Variants in SDCCAG8 observed in about 807,000 individuals in gnomAD.
SDCCAG8 encodes SHH signaling and ciliogenesis regulator SDCCAG8.
In SDCCAG8, 74 loss-of-function variants were observed where a neutral mutation model predicts 101.8. The ratio of observed to expected loss-of-function variants is 0.73; its 90% CI spans 0.60 to 0.88. The LOEUF (loss-of-function observed/expected upper bound fraction) is 0.88. Ranked by LOEUF, SDCCAG8 falls within the 40% of genes least tolerant of loss-of-function variation. SDCCAG8 has a pLI of 0.00. For synonymous variants in SDCCAG8, 281 were observed against 292.9 expected, an observed-to-expected ratio of 0.96 and a Z score of 0.41; for missense variants, 787 against 822.6, an observed-to-expected ratio of 0.96 and a Z score of 0.53.
At chr1:243,467,150 A>G (rs1660320683) in intron 16 of SDCCAG8, among the ~76,000 whole-genome samples, 1 of 152,254 alleles carries the variant, frequency 6.6e-6, no homozygotes, top group Non-Finnish European at 1.5e-5. Flanking sequence ...GGACACTGCT[A>G]TTGACCGTTG....
At chr1:243,304,114 G>T (rs866958126) in intron 6 of SDCCAG8, among the ~76,000 whole-genome samples, 52 of 152,094 alleles carry the variant, frequency 3.4e-4, no homozygotes, top group Admixed American at 7.9e-4. Context: ...CTGTACAGGG[G>T]TCAATGACCC....
At chr1:243,405,562 G>GTTTTAAAT (rs1171749764) in intron 13 of SDCCAG8, among the ~76,000 whole-genome samples, 1 of 152,164 alleles carries the variant, frequency 6.6e-6, no homozygotes, top group Non-Finnish European at 1.5e-5. Context: ...GCAACAGTAA[G>GTTTTAAAT]TATGCCTACC....
chr1:243,462,003 A>G (rs1316983590), intron 16 of SDCCAG8, among the ~76,000 whole-genome samples: 1 of 152,218 alleles, frequency 6.6e-6, no homozygotes, highest in Non-Finnish European at 1.5e-5. Flanking sequence ...CTTGGACTTC[A>G]GGTAAGTGAA....
At chr1:243,341,782 G>A (rs977929435) in intron 11 of SDCCAG8, among the ~76,000 whole-genome samples, 13 of 152,058 alleles carry the variant, frequency 8.5e-5, no homozygotes, top group Admixed American at 7.9e-4. Flanking sequence ...GTCTTTACTG[G>A]CAATGATTAA....
intron 9 of SDCCAG8, 36 bp downstream of exon 9, chr1:243,316,929 T>G (rs1348394278): frequency 2.7e-6 from 4 of 1,490,360 alleles, no homozygotes; most frequent in Non-Finnish European, 3.7e-6. Context: ...AGTGTCTTTC[T>G]TTTTTTTTTC....
rs181073345 is a variant in SDCCAG8, at chr1:243,352,786, A to G, written c.1473+8455A>G. 2.4e-3 allele frequency among the ~76,000 whole-genome samples: 362 copies of G among 152,302 alleles called. 4 individuals are homozygous for G. The highest frequency in any genetic ancestry group is 7.6e-4 in the Non-Finnish European group (52 of 68,018). The stretch of plus-strand genomic sequence containing the variant: ...GTTTTACCTTCCACTTTTTGTACAT[A>G]TGCATCTATAATATTTGCAAATATA... On this transcript the variant is annotated intron_variant, in intron 12 of 17. Coordinates refer to ENST00000366541, the MANE Select transcript of SDCCAG8 (RefSeq NM_006642.5).
In SDCCAG8 at chr1:243,426,539, C is replaced by T. The variant is rs1262692904; in HGVS notation, c.1966C>T (p.His656Tyr). The part of the protein sequence containing the change: ...EEQCVQHGRV[H>Y]ETMKQRLRQL... The stretch of plus-strand genomic sequence containing the variant: ...ACAGTGTGTCCAGCATGGGAGAGTA[C>T]ATGAGACGATGAAGCAAAGGTAATC... Residue 656 changes from histidine (H) to tyrosine (Y), a missense_variant, in exon 16 of 18, where the codon CAT (histidine) becomes TAT (tyrosine). His to Tyr is a moderately conservative substitution (Grantham distance 83). Transcript: ENST00000366541. 1 of 1,613,784 alleles carries T rather than the reference C, an allele frequency of 6.2e-7. No homozygotes were observed. The highest frequency in any genetic ancestry group is 1.3e-5 in the African/African-American group (1 of 74,882).
intron 9 of SDCCAG8, among the ~76,000 whole-genome samples, chr1:243,320,245 A>G (rs1284713957): frequency 6.6e-6 from 1 of 152,144 alleles, no homozygotes; most frequent in Non-Finnish European, 1.5e-5. Context: ...CACTTTTCTT[A>G]TGGAAGCTAA....
At chr1:243,431,089 C>T (rs1411740499) in intron 16 of SDCCAG8, among the ~76,000 whole-genome samples, 1 of 151,990 alleles carries the variant, frequency 6.6e-6, no homozygotes, top group Non-Finnish European at 1.5e-5. Context: ...CCTAGCTACT[C>T]GGGAGGGTGA....
chr1:243,494,440 CTGAG>C (rs533733125), intron 17 of SDCCAG8, among the ~76,000 whole-genome samples: 24 of 152,230 alleles, frequency 1.6e-4, no homozygotes, highest in Non-Finnish European at 2.1e-4. Flanking sequence ...TCCCTGCTGC[CTGAG>C]TGTTTTTAAA....
chr1:243,348,497 T>C (rs2075877419), intron 12 of SDCCAG8, among the ~76,000 whole-genome samples: 1 of 151,624 alleles, frequency 6.6e-6, no homozygotes, highest in African/African-American at 2.4e-5. Context: ...CATACGCACC[T>C]CCCCCAGTGC....
intron 12 of SDCCAG8, among the ~76,000 whole-genome samples, chr1:243,374,742 T>C (rs1348336828): frequency 6.6e-6 from 1 of 151,982 alleles, no homozygotes; most frequent in East Asian, 1.9e-4. Flanking sequence ...CATGATGACT[T>C]ATGACACAGA....
chr1:243,438,390 G>A (rs911586086), intron 16 of SDCCAG8, among the ~76,000 whole-genome samples: 8 of 152,192 alleles, frequency 5.3e-5, no homozygotes, highest in African/African-American at 1.9e-4. Context: ...TGCCTTCAGA[G>A]AGTCATGTCA....
chr1:243,319,479 T>G (rs904086297), intron 9 of SDCCAG8, among the ~76,000 whole-genome samples: 3 of 152,154 alleles, frequency 2.0e-5, no homozygotes, highest in Non-Finnish European at 4.4e-5. Flanking sequence ...AATCAAGTGA[T>G]TCTCCCACCT....
intron 12 of SDCCAG8, among the ~76,000 whole-genome samples, chr1:243,361,398 A>C (rs1558354563): frequency 6.6e-6 from 1 of 152,252 alleles, no homozygotes; most frequent in Non-Finnish European, 1.5e-5. Flanking sequence ...AGCTTCATAA[A>C]GTTATGCCCT....
At chr1:243,388,029 T>C (rs567524601) in intron 13 of SDCCAG8, among the ~76,000 whole-genome samples, 44 of 152,236 alleles carry the variant, frequency 2.9e-4, no homozygotes, top group Admixed American at 6.5e-4. Context: ...AGTACAGATA[T>C]TTTCTTGAAA....
At chr1:243,492,337 C>T (rs1360384121) in intron 17 of SDCCAG8, among the ~76,000 whole-genome samples, 6 of 118,482 alleles carry the variant, frequency 5.1e-5, no homozygotes, top group African/African-American at 1.3e-4. Flanking sequence ...AGTCTTGCTC[C>T]GTCACCCGGA....
intron 13 of SDCCAG8, among the ~76,000 whole-genome samples, chr1:243,414,189 G>A (rs1367480704): frequency 6.6e-6 from 1 of 152,178 alleles, no homozygotes; most frequent in African/African-American, 2.4e-5. Context: ...AGAGAGGAAG[G>A]AGAGGGGAAG....
In SDCCAG8 at chr1:243,417,985, T is replaced by G. The variant is rs2080721131; in HGVS notation, c.1762T>G (p.Leu588Val). The change falls in exon 15 of 18, where the codon TTG (leucine) becomes GTG (valine). Residue 588 changes from leucine (L) to valine (V), a missense_variant. By Grantham distance (32) the Leu-to-Val change is conservative. Transcript: ENST00000366541. Reference sequence around the variant, plus strand: ...ATTTCTAGAAAATGAACAGTATTTGTTGCTGACCTCCCAGAATACATTTTT... The same window carrying G: ...ATTTCTAGAAAATGAACAGTATTTGGTGCTGACCTCCCAGAATACATTTTT... ...HDKTENEQYL[L>V]LTSQNTFLTK... 6.2e-7 allele frequency: 1 copy of G among 1,611,166 alleles called. No individual in the cohort carries two copies. The highest frequency in any genetic ancestry group is 8.5e-7 in the Non-Finnish European group (1 of 1,177,670).
Sources: gnomAD v4.1 joint callset for allele counts (sites outside exome capture counted in the v4.1 genomes callset) on GRCh38, gnomAD v4.1.1 for gene constraint, MANE v1.5 for transcripts, NCBI Gene and HGNC (gene_info 2026-07-23, HGNC 2026-07-21) for gene names.